The following KRT82 variants were observed in gnomAD, a reference collection of about 807,000 sequenced individuals.
KRT82 encodes keratin, type II cuticular Hb2.
KRT82 carries 44 observed loss-of-function variants against 48.0 expected under a neutral mutation model. That is an observed-to-expected ratio of 0.92 (90% CI 0.72 to 1.18). The LOEUF (loss-of-function observed/expected upper bound fraction) is 1.18, where lower values mean the gene tolerates loss of function less well. Among genes scored for constraint, KRT82 ranks in the 50% most tolerant of loss-of-function variants. The probability of loss-of-function intolerance (pLI) is 0.00; values close to 1 mark genes in which losing one functional copy is unlikely to be tolerated. For synonymous variants in KRT82, 297 were observed against 278.3 expected, an observed-to-expected ratio of 1.07 and a Z score of -0.67; for missense variants, 701 against 671.4, an observed-to-expected ratio of 1.04 and a Z score of -0.49.
At chr12:52,399,844 T>A in intron 5 of KRT82, 141 bp downstream of exon 5, 2 of 856,686 alleles carry the variant, frequency 2.3e-6, no homozygotes, top group Non-Finnish European at 3.6e-6. Flanking sequence ...CAGCTGGGCT[T>A]TATGGGATTC....
intron 7 of KRT82, 83 bp from the exon 8 acceptor site, chr12:52,395,873 T>C (rs531096435): frequency 2.5e-5 from 37 of 1,469,790 alleles, no homozygotes; most frequent in Middle Eastern, 3.5e-4. Flanking sequence ...CCCGCCCTCA[T>C]TGTGGACCAT....
rs930763847 is a variant in KRT82 at position 52,394,907 on chromosome 12, C to T, written c.*68G>A. The T allele has an allele frequency of 5.2e-6, 7 of 1,341,254 alleles. No individual in the cohort carries two copies. Among genetic ancestry groups the T allele is most frequent in the Non-Finnish European group, 7.5e-6 (7 of 936,160 alleles). The allele number at this position is 1,341,254 out of a possible 1,614,324, so 83.1% of individuals were successfully genotyped here. Reference sequence around the variant, plus strand: ...GGTTTTGGAACATCCTTGTCTTCAGCCCTGGTGGGAGTGTGACATCCAGGG... The same window carrying T: ...GGTTTTGGAACATCCTTGTCTTCAGTCCTGGTGGGAGTGTGACATCCAGGG... On this transcript the variant is annotated 3_prime_UTR_variant, in exon 9 of 9. Transcript: ENST00000257974.
intron 8 of KRT82, 121 bp from the exon 9 acceptor site, chr12:52,395,316 A>G (rs1939698290): frequency 1.3e-6 from 1 of 782,638 alleles, no homozygotes; most frequent in African/African-American, 1.7e-5. Flanking sequence ...CAGACACCCC[A>G]TTCCAGCCTC....
intron 1 of KRT82, among the ~76,000 whole-genome samples, chr12:52,405,135 G>T (rs1167662749): frequency 6.6e-6 from 1 of 152,168 alleles, no homozygotes; most frequent in Non-Finnish European, 1.5e-5. Flanking sequence ...ATCTTTTCCT[G>T]CAGTGGGTGC....
At chr12:52,395,962 A>C in intron 7 of KRT82, 50 bp downstream of exon 7, 1 of 1,608,942 alleles carries the variant, frequency 6.2e-7, no homozygotes, top group South Asian at 1.1e-5. Context: ...AGGGCTGGGT[A>C]ATGGCCATAC....
chr12:52,400,542 T>C lies in KRT82; in HGVS notation c.762A>G (p.Lys254=). The C allele has an allele frequency of 6.2e-7, 1 of 1,613,946 alleles. No individual in the cohort carries two copies. Among genetic ancestry groups the C allele is most frequent in the Non-Finnish European group, 8.5e-7 (1 of 1,179,828 alleles). ...EALVQEIDFL[K]SLYEEEICLL... Reference sequence around the variant, plus strand: ...CTGTGGGTACCTCCTCATACAGGCTTTTCAGGAAGTCGATCTCCTGCACGA... The same window carrying C: ...CTGTGGGTACCTCCTCATACAGGCTCTTCAGGAAGTCGATCTCCTGCACGA... Residue 254 remains lysine (K), a synonymous_variant, in exon 4 of 9, where the codon AAA becomes AAG. Coordinates refer to ENST00000257974, the MANE Select transcript of KRT82 (RefSeq NM_033033.4).
In KRT82 at chr12:52,395,095, G is replaced by A. The variant is rs1939693610; in HGVS notation, c.1422C>T (p.Ile474=). 4.3e-6 allele frequency: 7 copies of A among 1,614,086 alleles called. No homozygotes were observed. Among genetic ancestry groups the A allele is most frequent in the South Asian group, 2.2e-5 (2 of 91,080 alleles). The change falls in exon 9 of 9, where the codon ATC becomes ATT. Residue 474 remains isoleucine (I), a synonymous_variant. Coordinates refer to ENST00000257974, the MANE Select transcript of KRT82 (RefSeq NM_033033.4). ...GVLRSNGGCS[I]VGTGELYVPC... ...GGACATAGAGTTCACCAGTGCCCAC[G>A]ATGCTGCAGCCCCCATTGCTCCTGA...
chr12:52,400,057 A>G lies in KRT82; in HGVS notation c.870T>C (p.Ala290=). The G allele has an allele frequency of 6.2e-7, 1 of 1,614,094 alleles. No individual in the cohort carries two copies. Among genetic ancestry groups the G allele is most frequent in the Non-Finnish European group, 8.5e-7 (1 of 1,180,004 alleles). ...TGTCGTCATACTGCGCCTTGATCTCAGCGATGATGCCGTCCACGTCCAGCT... is the reference window on the plus strand; with the variant it reads ...TGTCGTCATACTGCGCCTTGATCTCGGCGATGATGCCGTCCACGTCCAGCT... ...SRELDVDGII[A]EIKAQYDDIA... is the part of the protein sequence containing the mutation. The change falls in exon 5 of 9, where the codon GCT becomes GCC. Residue 290 remains alanine, a synonymous_variant. Coordinates refer to ENST00000257974, the MANE Select transcript of KRT82 (RefSeq NM_033033.4).
chr12:52,396,571 A>C (rs531516733), intron 6 of KRT82, among the ~76,000 whole-genome samples: 1 of 152,222 alleles, frequency 6.6e-6, no homozygotes, highest in South Asian at 2.1e-4. Context: ...TCATAGAATC[A>C]CAGTCTTTGG....
At chr12:52,404,931 G>A (rs557186373) in intron 1 of KRT82, among the ~76,000 whole-genome samples, 27 of 152,268 alleles carry the variant, frequency 1.8e-4, no homozygotes, top group African/African-American at 5.5e-4. Context: ...CGGGGATTCC[G>A]GGTGTAGGAG....
At chr12:52,404,390 A>T (rs570509181) in intron 1 of KRT82, among the ~76,000 whole-genome samples, 1 of 152,180 alleles carries the variant, frequency 6.6e-6, no homozygotes, top group South Asian at 2.1e-4. Flanking sequence ...AGGGGAAAAG[A>T]CGGATCAAGG....
chr12:52,406,000 G>A lies in KRT82; in HGVS notation c.278C>T (p.Thr93Ile). The change falls in exon 1 of 9, where the codon ACC (threonine) becomes ATC (isoleucine). Residue 93 changes from threonine (T) to isoleucine (I), a missense_variant. Physicochemically the swap from Thr to Ile is moderately conservative, Grantham distance 89 (BLOSUM62 -1). Coordinates refer to ENST00000257974, the MANE Select transcript of KRT82 (RefSeq NM_033033.4). ...GATCGPSACI[T>I]PVTINESLLV... ...CAGGCTCTCATTGATGGTGACAGGG[G>A]TGATGCAGGCAGAAGGCCCACAGGT... The A allele has an allele frequency of 1.9e-6, 3 of 1,614,250 alleles. No homozygotes were observed. Among genetic ancestry groups the A allele is most frequent in the Non-Finnish European group, 2.5e-6 (3 of 1,180,038 alleles).
Position 52,394,490 on chromosome 12 carries a change from T to G in KRT82, c.*485A>C. 6.2e-6 allele frequency: 1 copy of G among 161,196 alleles called. No homozygotes were observed. The highest frequency in any genetic ancestry group is 1.4e-5 in the Non-Finnish European group (1 of 73,774). The allele number at this position is 161,196 out of a possible 1,614,324, so 10.0% of individuals were successfully genotyped here. On this transcript the variant is annotated 3_prime_UTR_variant, in exon 9 of 9. Transcript: ENST00000257974. ...TTGGCTTTGGAATTTAGAGTGGGATTTGGGGGTGTCTCCTTTTGATATTTG... is the reference window on the plus strand; with the variant it reads ...TTGGCTTTGGAATTTAGAGTGGGATGTGGGGGTGTCTCCTTTTGATATTTG...
chr12:52,401,726 C>T (rs1198059712), intron 2 of KRT82, among the ~76,000 whole-genome samples: 1 of 152,146 alleles, frequency 6.6e-6, no homozygotes, highest in Admixed American at 6.5e-5. Context: ...CACTGAAATT[C>T]CCGGCTGACC....
intron 1 of KRT82, among the ~76,000 whole-genome samples, chr12:52,404,943 A>C (rs1284677204): frequency 6.6e-6 from 1 of 152,150 alleles, no homozygotes; most frequent in African/African-American, 2.4e-5. Flanking sequence ...GTGTAGGAGT[A>C]GAGTCAATGC....
Position 52,401,772 on chromosome 12 carries a change from G to A in KRT82, c.621-423C>T, listed in dbSNP as rs1939794229. ...TCCTCGCTGGGAGGGTTCAGAGCCT[G>A]GCCTCTACCTGTGGTCCATTTGCAG... On this transcript the variant is annotated intron_variant, in intron 2 of 8. Coordinates refer to ENST00000257974, the MANE Select transcript of KRT82 (RefSeq NM_033033.4). Among the ~76,000 whole-genome samples, 4 of 152,186 alleles carry A rather than the reference G, an allele frequency of 2.6e-5. No homozygotes were observed. In the South Asian group the frequency reaches 6.2e-4, roughly 24 times the overall value.
chr12:52,405,365 G>A (rs140656162), intron 1 of KRT82, among the ~76,000 whole-genome samples: 13 of 152,264 alleles, frequency 8.5e-5, no homozygotes, highest in African/African-American at 2.6e-4. Flanking sequence ...TTTTGTGACC[G>A]TCACCCTGTG....
chr12:52,401,377 T>G, intron 2 of KRT82, 28 bp from the exon 3 acceptor site: 1 of 1,610,628 alleles, frequency 6.2e-7, no homozygotes, highest in Non-Finnish European at 8.5e-7. Context: ...AAAAAATGCT[T>G]TAGTCGGGCT....
At chr12:52,397,810 G>C (rs1386835815) in intron 5 of KRT82, among the ~76,000 whole-genome samples, 1 of 152,178 alleles carries the variant, frequency 6.6e-6, no homozygotes, top group African/African-American at 2.4e-5. Flanking sequence ...ATTTTGGAAG[G>C]CTGAGGCGGG....
Sources: allele counts gnomAD v4.1 joint callset (sites outside exome capture counted in the v4.1 genomes callset), GRCh38; gene constraint gnomAD v4.1.1; transcripts MANE v1.5; gene names NCBI Gene and HGNC (gene_info 2026-07-23, HGNC 2026-07-21).